The following VPS13D variants were observed in gnomAD, a reference collection of about 807,000 sequenced individuals.
VPS13D encodes vacuolar protein sorting 13 homolog D.
In VPS13D, 187 loss-of-function variants were observed where a neutral mutation model predicts 461.9. That is an observed-to-expected ratio of 0.40 (90% CI 0.36 to 0.46). VPS13D has a LOEUF of 0.46. Ranked by LOEUF, VPS13D falls within the 20% of genes least tolerant of loss-of-function variation. The probability of loss-of-function intolerance (pLI) is 0.60; values close to 1 mark genes in which losing one functional copy is unlikely to be tolerated. For missense variants in VPS13D, 4,711 were observed against 5,364.9 expected (o/e 0.88, Z 3.81); for synonymous variants, 1,951 against 1,986.3 (o/e 0.98, Z 0.47).
chr1:12,371,631 G>A (rs1644118765), intron 54 of VPS13D, among the ~76,000 whole-genome samples: 1 of 152,012 alleles, frequency 6.6e-6, no homozygotes, highest in Admixed American at 6.6e-5. Context: ...GACTTCAGGC[G>A]ATCCACCCAC....
chr1:12,373,582 C>T (rs529519954), intron 54 of VPS13D, among the ~76,000 whole-genome samples, 168 bp from the exon 55 acceptor site: 3 of 151,666 alleles, frequency 2.0e-5, no homozygotes, highest in African/African-American at 7.3e-5. Flanking sequence ...AAATGCAACC[C>T]TGATCTTTCT....
chr1:12,487,437 C>T (rs1645812310), intron 67 of VPS13D, among the ~76,000 whole-genome samples: 2 of 152,048 alleles, frequency 1.3e-5, no homozygotes. Flanking sequence ...GGTGAAACCC[C>T]GTCTCTACTA....
In VPS13D at chr1:12,275,929, C is replaced by T. The variant is rs1335922034; in HGVS notation, c.2341C>T (p.Pro781Ser). Residue 781 changes from proline to serine, a missense_variant, in exon 19 of 70, where the codon CCC becomes TCC. Around this residue, in one of 3 missense-constraint regions of VPS13D, gnomAD observed 4,411 missense variants for 4,937.8 expected, o/e 0.89. Coordinates refer to ENST00000620676, the MANE Select transcript of VPS13D (RefSeq NM_015378.4). ...GGCCACACCTCCTAACACCCCACCT[C>T]CCGAGTCAAGCAGCAGCAACGGAGA... ...PLATPPNTPP[P>S]ESSSSNGEKT... The T allele has an allele frequency of 6.2e-7, 1 of 1,613,980 alleles. No individual in the cohort carries two copies. Among genetic ancestry groups the T allele is most frequent in the Non-Finnish European group, 8.5e-7 (1 of 1,180,012 alleles).
intron 65 of VPS13D, among the ~76,000 whole-genome samples, chr1:12,437,687 C>CA (rs1204834173): frequency 3.9e-5 from 6 of 152,106 alleles, no homozygotes; most frequent in African/African-American, 1.4e-4. Flanking sequence ...TAACAGTATC[C>CA]AATTTTTGAT....
At position 12,305,315 on chromosome 1, in the gene VPS13D, C is replaced by T. The variant is rs564436861; in HGVS notation, c.6439+587C>T. Among the ~76,000 whole-genome samples the T allele has an allele frequency of 2.0e-5, 3 of 152,132 alleles. No homozygotes were observed. The South Asian group carries it at 6.2e-4, about 32-fold the overall frequency. On this transcript the variant is annotated intron_variant, in intron 26 of 69. Coordinates refer to ENST00000620676, the MANE Select transcript of VPS13D (RefSeq NM_015378.4). ...CTCAAGACAGGGTCTCTCACTGTCT[C>T]CCAGGCTAGAGTGCAGTGTTGTGAT...
chr1:12,394,196 T>C (rs190548409), intron 60 of VPS13D, among the ~76,000 whole-genome samples: 1 of 152,266 alleles, frequency 6.6e-6, no homozygotes, highest in Admixed American at 6.5e-5. Flanking sequence ...GTAAACTGGC[T>C]CAAGTCTAGA....
At chr1:12,243,057 A>G (rs1251396363) in intron 3 of VPS13D, among the ~76,000 whole-genome samples, 1 of 151,276 alleles carries the variant, frequency 6.6e-6, no homozygotes, top group Non-Finnish European at 1.5e-5. Flanking sequence ...GGTTGAAGCA[A>G]TTCTTCTGCC....
rs566706913 is a variant in VPS13D at position 12,480,600 on chromosome 1, G to C, written c.12663-16900G>C. ...AGTTCAGCAAACGTTGGTACTGGCT[G>C]ACTTTTAATGGAGTACCTGTTTGAG... On this transcript the variant is annotated intron_variant, in intron 67 of 69. Transcript: ENST00000620676. Among the ~76,000 whole-genome samples, 3 of 152,326 alleles carry C rather than the reference G, an allele frequency of 2.0e-5. No homozygotes were observed. The South Asian group carries it at 6.2e-4, about 32-fold the overall frequency.
At position 12,369,502 on chromosome 1, in the gene VPS13D, A is replaced by C. The variant is rs748022217; in HGVS notation, c.10608A>C (p.Glu3536Asp). ...PVVFTQHGVA[E>D]PRLRTEVKPM... ...TCTTTACTCAGCATGGCGTAGCTGA[A>C]CCCAGGCTCCGGACTGAAGTGAAGC... is the stretch of plus-strand genomic sequence containing the variant. Residue 3536 changes from glutamate (E) to aspartate (D), a missense_variant, in exon 54 of 70, where the codon GAA becomes GAC. Physicochemically the swap from Glu to Asp is conservative, Grantham distance 45. This residue lies in a region of VPS13D where 4,411 missense variants were observed against 4,937.8 expected (regional missense o/e 0.89). Coordinates refer to ENST00000620676, the MANE Select transcript of VPS13D (RefSeq NM_015378.4). 2 of 1,614,176 alleles carry C rather than the reference A, an allele frequency of 1.2e-6. No homozygotes were observed. The highest frequency in any genetic ancestry group is 1.7e-6 in the Non-Finnish European group (2 of 1,180,028).
intron 65 of VPS13D, among the ~76,000 whole-genome samples, chr1:12,438,737 G>T (rs1645092733): frequency 6.6e-6 from 1 of 152,204 alleles, no homozygotes; most frequent in Admixed American, 6.5e-5. Flanking sequence ...ACGCTTGCAC[G>T]TTAGAGCTGG....
rs767817596 is a variant in VPS13D, at chr1:12,356,434, C to T, written c.9908C>T (p.Thr3303Ile). 1.2e-6 allele frequency: 2 copies of T among 1,613,978 alleles called. No homozygotes were observed. The highest frequency in any genetic ancestry group is 1.7e-6 in the Non-Finnish European group (2 of 1,180,028). Residue 3303 changes from threonine to isoleucine, a missense_variant, in exon 49 of 70, where the codon ACA (threonine) becomes ATA (isoleucine). By Grantham distance (89) the Thr-to-Ile change is moderately conservative (BLOSUM62 -1). This residue lies in a region of VPS13D where 4,411 missense variants were observed against 4,937.8 expected (regional missense o/e 0.89). Coordinates refer to ENST00000620676, the MANE Select transcript of VPS13D (RefSeq NM_015378.4). Reference protein sequence around the residue: ...PLIFRQDNAKTDAAGQFEEHE... With the variant: ...PLIFRQDNAKIDAAGQFEEHE... ...ATCTTCAGACAGGACAATGCCAAGACAGATGCTGCAGGCCAGTTTGAGGAG... is the reference window on the plus strand; with the variant it reads ...ATCTTCAGACAGGACAATGCCAAGATAGATGCTGCAGGCCAGTTTGAGGAG...
intron 8 of VPS13D, 68 bp downstream of exon 8, chr1:12,256,571 T>C (rs1010449015): frequency 1.3e-6 from 2 of 1,547,542 alleles, no homozygotes; most frequent in East Asian, 2.3e-5. Context: ...AGTCTTGATA[T>C]TAACGTATCC....
At chr1:12,380,654 A>G (rs1017332051) in intron 57 of VPS13D, among the ~76,000 whole-genome samples, 2 of 152,228 alleles carry the variant, frequency 1.3e-5, no homozygotes, top group Admixed American at 1.3e-4. Context: ...AGCACCTGCA[A>G]TTGTGTGTGC....
At chr1:12,455,537 A>G (rs1645314309) in intron 65 of VPS13D, among the ~76,000 whole-genome samples, 1 of 152,278 alleles carries the variant, frequency 6.6e-6, no homozygotes, top group East Asian at 1.9e-4. Context: ...GCATCCCCCA[A>G]TTGGTATGTG....
chr1:12,464,573 C>A (rs187398058), intron 67 of VPS13D, among the ~76,000 whole-genome samples: 13 of 151,996 alleles, frequency 8.6e-5, no homozygotes, highest in Non-Finnish European at 1.8e-4. Flanking sequence ...TATAGGGAAC[C>A]CCCCCTCCTT....
chr1:12,361,552 C>T (rs1257014623), intron 50 of VPS13D, among the ~76,000 whole-genome samples: 6 of 150,682 alleles, frequency 4.0e-5, no homozygotes, highest in Middle Eastern at 3.2e-3. Context: ...CCCGCCACTA[C>T]GCCCGGCTAA....
intron 68 of VPS13D, among the ~76,000 whole-genome samples, chr1:12,498,982 T>C (rs1645998472): frequency 6.6e-6 from 1 of 152,170 alleles, no homozygotes; most frequent in African/African-American, 2.4e-5. Context: ...CAGCAGGTGT[T>C]GCTAATAGGT....
intron 36 of VPS13D, 71 bp downstream of exon 36, chr1:12,327,925 T>G: frequency 1.4e-6 from 2 of 1,478,056 alleles, no homozygotes; most frequent in Non-Finnish European, 1.8e-6. Flanking sequence ...TGGGGCCTTT[T>G]TTTTTTTGTC....
At chr1:12,314,059 T>C (rs1037463630) in intron 29 of VPS13D, 56 bp from the exon 30 acceptor site, 12 of 1,512,986 alleles carry the variant, frequency 7.9e-6, no homozygotes, top group Non-Finnish European at 1.0e-5. Flanking sequence ...TATATACTTT[T>C]GTAAAATGGA....
Sources: allele counts gnomAD v4.1 joint callset (sites outside exome capture counted in the v4.1 genomes callset), GRCh38; gene constraint gnomAD v4.1.1; regional missense constraint gnomAD v4.1.1; transcripts MANE v1.5; gene names NCBI Gene and HGNC (gene_info 2026-07-23, HGNC 2026-07-21).